Variants in KIF25 observed in about 807,000 individuals in gnomAD.
KIF25 encodes kinesin family member 25, also known as kinesin-like protein KIF25.
In KIF25, 19 loss-of-function variants were observed where a neutral mutation model predicts 32.9. The ratio of observed to expected loss-of-function variants is 0.58; its 90% CI spans 0.40 to 0.85. The LOEUF is 0.85. KIF25 is among the 40% of genes least tolerant of loss of function. The pLI is 0.00. For missense variants in KIF25, 485 were observed against 507.0 expected (o/e 0.96, Z 0.42); for synonymous variants, 225 against 213.7 (o/e 1.05, Z -0.46).
At chr6:168,038,859 G>A (rs988302353) in intron 9 of KIF25, 130 bp downstream of exon 9, 90 of 860,668 alleles carry the variant, frequency 1.0e-4, no homozygotes, top group Non-Finnish European at 1.4e-4. Flanking sequence ...AGAATCGGCC[G>A]TGGTGGCCCG....
At chr6:167,999,674 G>A (rs1798470418) in intron 2 of KIF25, among the ~76,000 whole-genome samples, 1 of 152,158 alleles carries the variant, frequency 6.6e-6, no homozygotes, top group Non-Finnish European at 1.5e-5. Context: ...ATATCAAAAA[G>A]GGAGCACCCT....
chr6:168,037,841 G>A (rs909355039), intron 8 of KIF25, among the ~76,000 whole-genome samples: 4 of 152,002 alleles, frequency 2.6e-5, no homozygotes, highest in African/African-American at 9.7e-5. Flanking sequence ...TCAGCCTCCC[G>A]AGTAGTTGGG....
chr6:168,042,524 G>T (rs1799139836), intron 11 of KIF25, 37 bp from the exon 12 acceptor site: 12 of 1,582,472 alleles, frequency 7.6e-6, no homozygotes, highest in Middle Eastern at 1.7e-4. Flanking sequence ...CTCCTTTCTT[G>T]GTGCAAACGG....
intron 4 of KIF25, among the ~76,000 whole-genome samples, chr6:168,007,645 C>T (rs554047756): frequency 2.6e-5 from 4 of 152,282 alleles, no homozygotes; most frequent in African/African-American, 9.6e-5. Flanking sequence ...AGGTCTGCAG[C>T]TGCTTCTCAG....
Position 168,042,685 on chromosome 6 carries a change from C to G in KIF25, c.954C>G (p.Ser318Arg). 6.2e-7 allele frequency: 1 copy of G among 1,612,880 alleles called. No individual in the cohort carries two copies. The change falls in exon 12 of 13, where the codon AGC becomes AGG. Residue 318 changes from serine to arginine, a missense_variant. Around this residue, in one of 2 missense-constraint regions of KIF25, gnomAD observed 480 missense variants for 470.3 expected, o/e 1.02. Transcript: ENST00000643607. The part of the protein sequence containing the change: ...EHRGHAPYRN[S>R]RLTHLLQDCL... The stretch of plus-strand genomic sequence containing the variant: ...GTGGCCATGCCCCGTACCGGAACAG[C>G]AGGCTCACCCACCTCCTTCAGGACT...
intron 3 of KIF25, among the ~76,000 whole-genome samples, chr6:168,003,280 G>T (rs754068396): frequency 6.6e-6 from 1 of 152,182 alleles, no homozygotes; most frequent in Non-Finnish European, 1.5e-5. Flanking sequence ...AAGACAAAAG[G>T]GGGTGGGGAA....
Position 168,044,923 on chromosome 6 carries a change from G to T in KIF25, c.1082G>T (p.Arg361Leu), listed in dbSNP as rs145189139. The change falls in exon 13 of 13, where the codon CGG becomes CTG. Residue 361 changes from arginine to leucine, a missense_variant. This residue lies in a region of KIF25 where 480 missense variants were observed against 470.3 expected (regional missense o/e 1.02). Coordinates refer to ENST00000643607, the MANE Select transcript of KIF25 (RefSeq NM_030615.4). Reference protein sequence around the residue: ...LQGLGFGIRARQVQRGPARKK... With the variant: ...LQGLGFGIRALQVQRGPARKK... ...GGCCTGGGTTTCGGGATCCGAGCTC[G>T]GCAAGTCCAGCGAGGCCCTGCCCGA... 1 of 1,612,862 alleles carries T rather than the reference G, an allele frequency of 6.2e-7. No individual in the cohort carries two copies. The highest frequency in any genetic ancestry group is 2.2e-5 in the East Asian group (1 of 44,844).
At chr6:168,006,788 C>T (rs898145043) in intron 4 of KIF25, among the ~76,000 whole-genome samples, 3 of 149,034 alleles carry the variant, frequency 2.0e-5, no homozygotes, top group Non-Finnish European at 3.0e-5. Flanking sequence ...CTACAAGGCC[C>T]GTCACCTGAA....
chr6:168,008,427 G>A (rs1330760582), intron 4 of KIF25, among the ~76,000 whole-genome samples: 2 of 152,078 alleles, frequency 1.3e-5, no homozygotes, highest in Non-Finnish European at 2.9e-5. Flanking sequence ...CTGTTCCACT[G>A]GTCTATGTGT....
intron 9 of KIF25, 91 bp downstream of exon 9, chr6:168,038,820 C>T (rs979753853): frequency 1.8e-5 from 24 of 1,332,176 alleles, no homozygotes; most frequent in African/African-American, 7.3e-5. Flanking sequence ...CGTCTCTAAA[C>T]GAGCTCCCCA....
rs115849886 is a variant in KIF25 at position 168,013,413 on chromosome 6, G to A, written c.-162-4560G>A. ...ACGTTCAGCCACCCGTGTAGGCTTG[G>A]AGTCATGAAGATGGAGCTCCAAGGC... On this transcript the variant is annotated intron_variant, in intron 4 of 12. Coordinates refer to ENST00000643607, the MANE Select transcript of KIF25 (RefSeq NM_030615.4). Among the ~76,000 whole-genome samples, 517 of 152,154 alleles carry A rather than the reference G, an allele frequency of 3.4e-3. 3 individuals carry two copies. Among genetic ancestry groups the A allele is most frequent in the African/African-American group, 0.012 (480 of 41,506 alleles).
At chr6:168,036,787 CA>C (rs1347058635) in intron 8 of KIF25, among the ~76,000 whole-genome samples, 1 of 152,194 alleles carries the variant, frequency 6.6e-6, no homozygotes, top group East Asian at 1.9e-4. Context: ...TTAGGCTGGG[CA>C]TGGTGGCTCA....
intron 5 of KIF25, among the ~76,000 whole-genome samples, chr6:168,024,619 G>A (rs1192121801): frequency 6.6e-6 from 1 of 151,782 alleles, no homozygotes; most frequent in Non-Finnish European, 1.5e-5. Flanking sequence ...ATAAGGTGAA[G>A]CAATCAAAAT....
At chr6:168,035,849 C>G in intron 8 of KIF25, 1 of 441,622 alleles carries the variant, frequency 2.3e-6, no homozygotes, top group South Asian at 1.6e-5. Flanking sequence ...ACCTCACCTT[C>G]GTCGTTTGCA....
intron 5 of KIF25, among the ~76,000 whole-genome samples, chr6:168,025,925 G>T (rs576876248): frequency 1.3e-5 from 2 of 152,222 alleles, no homozygotes; most frequent in Non-Finnish European, 2.9e-5. Flanking sequence ...GTGGGCAAGA[G>T]AGTCACAGAG....
rs973018064 is a variant in KIF25, at chr6:168,044,840, G to A, written c.999G>A (p.Lys333=). ...LLQDCLGGDA[K]LLVILCISPS... ...TCTATTTTAAAGGAGGCGATGCGAA[G>A]TTACTGGTGATTCTCTGCATTTCTC... The change falls in exon 13 of 13, where the codon AAG becomes AAA. Residue 333 remains lysine, a synonymous_variant. Coordinates refer to ENST00000643607, the MANE Select transcript of KIF25 (RefSeq NM_030615.4). 1.8e-5 allele frequency: 28 copies of A among 1,590,080 alleles called. No homozygotes were observed. The highest frequency in any genetic ancestry group is 3.6e-5 in the Admixed American group (2 of 56,058).
intron 2 of KIF25, among the ~76,000 whole-genome samples, chr6:168,000,189 C>A (rs1341714960): frequency 3.8e-5 from 5 of 131,686 alleles, no homozygotes; most frequent in African/African-American, 1.5e-4. Context: ...ATCCTGACCA[C>A]ACCTGACACT....
chr6:168,002,413 C>G (rs571074034), intron 2 of KIF25, 130 bp from the exon 3 acceptor site: 2 of 152,518 alleles, frequency 1.3e-5, no homozygotes, highest in East Asian at 1.9e-4. Flanking sequence ...GCTTCTTTCT[C>G]CTGGATGGTG....
chr6:168,019,341 A>G (rs1036880884), intron 5 of KIF25, among the ~76,000 whole-genome samples: 50 of 152,378 alleles, frequency 3.3e-4, no homozygotes, highest in African/African-American at 1.2e-3. Flanking sequence ...TGATAGAATT[A>G]GTAAAGAAGG....
Sources: allele counts gnomAD v4.1 joint callset (sites outside exome capture counted in the v4.1 genomes callset), GRCh38; gene constraint gnomAD v4.1.1; regional missense constraint gnomAD v4.1.1; transcripts MANE v1.5; gene names NCBI Gene and HGNC (gene_info 2026-07-23, HGNC 2026-07-21).